Variants in LOC128092253 observed in about 807,000 individuals in gnomAD.
At chr6:133,956,777 T>C in the LOC128092253 span, among the ~76,000 whole-genome samples, 1 of 152,336 alleles carries the variant, frequency 6.6e-6, no homozygotes, top group Admixed American at 6.5e-5. Context: ...CAAGCATGAT[T>C]ACAGCTTCTA....
chr6:133,975,486 C>T, the LOC128092253 span, among the ~76,000 whole-genome samples: 1 of 152,138 alleles, frequency 6.6e-6, no homozygotes, highest in Non-Finnish European at 1.5e-5. Flanking sequence ...CTTCAGGTAA[C>T]GTCTTCTAAC....
chr6:133,976,386 T>C, the LOC128092253 span, among the ~76,000 whole-genome samples: 6 of 152,234 alleles, frequency 3.9e-5, no homozygotes, highest in African/African-American at 1.2e-4. Flanking sequence ...AAAGAGTCTT[T>C]CACCTCAAGA....
At chr6:133,966,222 G>A in the LOC128092253 span, among the ~76,000 whole-genome samples, 7 of 152,144 alleles carry the variant, frequency 4.6e-5, no homozygotes, top group Non-Finnish European at 2.9e-5. Flanking sequence ...TGGGAACTAC[G>A]CCAAGGCTGG....
At chr6:133,962,393 G>A in the LOC128092253 span, among the ~76,000 whole-genome samples, 17 of 152,158 alleles carry the variant, frequency 1.1e-4, no homozygotes, top group Middle Eastern at 3.2e-3. Context: ...AAAATAAAAC[G>A]TTGCTTTGGA....
the LOC128092253 span, chr6:133,980,048 A>T: frequency 7.4e-7 from 1 of 1,343,616 alleles, no homozygotes; most frequent in Non-Finnish European, 9.8e-7. Context: ...AACAACATTT[A>T]AGTTTAATGA....
the LOC128092253 span, among the ~76,000 whole-genome samples, chr6:133,960,715 G>T: frequency 8.8e-4 from 134 of 152,190 alleles, no homozygotes; most frequent in African/African-American, 3.0e-3. Flanking sequence ...ATCACACCCT[G>T]TTTAACTTTA....
chr6:133,978,591 A>G, the LOC128092253 span, among the ~76,000 whole-genome samples: 1 of 152,216 alleles, frequency 6.6e-6, no homozygotes, highest in Non-Finnish European at 1.5e-5. Flanking sequence ...AGGTAGCTCA[A>G]ACATGCACAA....
the LOC128092253 span, among the ~76,000 whole-genome samples, chr6:133,954,022 C>T: frequency 6.6e-6 from 1 of 152,102 alleles, no homozygotes; most frequent in Non-Finnish European, 1.5e-5. Context: ...GTGGGTAGGG[C>T]TAAGCAGGGA....
chr6:133,958,008 T>G, the LOC128092253 span, among the ~76,000 whole-genome samples: 6 of 152,360 alleles, frequency 3.9e-5, no homozygotes, highest in Admixed American at 2.6e-4. Context: ...GACTCATCTC[T>G]GCTGTTAGGC....
the LOC128092253 span, among the ~76,000 whole-genome samples, chr6:133,960,135 C>T: frequency 6.6e-6 from 1 of 152,142 alleles, no homozygotes; most frequent in Admixed American, 6.5e-5. Context: ...ACCTTAATTG[C>T]TTGTGGGTTG....
the LOC128092253 span, among the ~76,000 whole-genome samples, chr6:133,959,777 C>G: frequency 6.6e-6 from 1 of 152,224 alleles, no homozygotes; most frequent in African/African-American, 2.4e-5. Flanking sequence ...GCCATTGCAC[C>G]TGGCCACCTA....
chr6:133,965,567 A>G, the LOC128092253 span, among the ~76,000 whole-genome samples: 4 of 147,692 alleles, frequency 2.7e-5, no homozygotes, highest in Non-Finnish European at 4.5e-5. Context: ...ATCAACAACT[A>G]TTTGCTTTGA....
At chr6:133,959,303 G>C in the LOC128092253 span, among the ~76,000 whole-genome samples, 488 of 152,064 alleles carry the variant, frequency 3.2e-3, 3 homozygotes, top group African/African-American at 0.011. Flanking sequence ...GCCTCCCGGA[G>C]TGCTGGGATT....
At chr6:133,968,606 G>A in the LOC128092253 span, among the ~76,000 whole-genome samples, 1 of 152,202 alleles carries the variant, frequency 6.6e-6, no homozygotes, top group Admixed American at 6.5e-5. Flanking sequence ...GAGCAGTTCA[G>A]AACTAGTCCA....
the LOC128092253 span, among the ~76,000 whole-genome samples, chr6:133,959,259 C>G: frequency 2.6e-5 from 4 of 152,092 alleles, no homozygotes; most frequent in Non-Finnish European, 5.9e-5. Flanking sequence ...AGGCTAGCCT[C>G]GAACTTCTGA....
chr6:133,961,731 T>C, the LOC128092253 span, among the ~76,000 whole-genome samples: 3 of 152,178 alleles, frequency 2.0e-5, no homozygotes, highest in African/African-American at 7.2e-5. Context: ...CCCAAAGTGC[T>C]GGGATTACAG....
the LOC128092253 span, among the ~76,000 whole-genome samples, chr6:133,958,399 T>C: frequency 2.3e-4 from 35 of 152,332 alleles, no homozygotes; most frequent in African/African-American, 7.7e-4. Context: ...AGTAGCTTTT[T>C]TTTGTAATTT....
the LOC128092253 span, among the ~76,000 whole-genome samples, chr6:133,959,586 A>G: frequency 2.0e-5 from 3 of 151,952 alleles, no homozygotes; most frequent in African/African-American, 7.3e-5. Context: ...GGTTCAAGCA[A>G]TTCTCCTGCC....
At chr6:133,954,513 G>A in the LOC128092253 span, among the ~76,000 whole-genome samples, 1 of 152,222 alleles carries the variant, frequency 6.6e-6, no homozygotes, top group Non-Finnish European at 1.5e-5. Flanking sequence ...TGAAATATCA[G>A]TTTATGTTAC....
Sources: allele counts gnomAD v4.1 joint callset (sites outside exome capture counted in the v4.1 genomes callset), GRCh38; gene constraint gnomAD v4.1.1; transcripts MANE v1.5.